The following BANK1 variants were observed in gnomAD, a reference collection of about 807,000 sequenced individuals.
BANK1 encodes the protein B-cell scaffold protein with ankyrin repeats.
In BANK1, 95 loss-of-function variants were observed where a neutral mutation model predicts 94.5. That is an observed-to-expected ratio of 1.00 (90% confidence interval 0.85 to 1.19). The LOEUF is 1.19. BANK1 is among the 50% of genes most tolerant of loss of function. BANK1 has a pLI of 0.00. For synonymous variants in BANK1, 334 were observed against 308.4 expected (o/e 1.08, Z -0.87); for missense variants, 987 against 932.2 (o/e 1.06, Z -0.77).
At chr4:102,034,191 C>T (rs559446677) in intron 10 of BANK1, among the ~76,000 whole-genome samples, 1 of 152,060 alleles carries the variant, frequency 6.6e-6, no homozygotes, top group Non-Finnish European at 1.5e-5. Flanking sequence ...GTGTTAATAG[C>T]CAGAATGGAA....
At chr4:101,856,523 A>G (rs1727686656) in intron 3 of BANK1, among the ~76,000 whole-genome samples, 1 of 152,234 alleles carries the variant, frequency 6.6e-6, no homozygotes, top group South Asian at 2.1e-4. Context: ...CAGAAAAAAG[A>G]AAACCCTCTG....
chr4:102,054,490 G>A (rs1728162134), intron 11 of BANK1, among the ~76,000 whole-genome samples: 1 of 151,962 alleles, frequency 6.6e-6, no homozygotes, highest in Non-Finnish European at 1.5e-5. Flanking sequence ...CATCTACCTG[G>A]CTCCAAATAC....
intron 7 of BANK1, among the ~76,000 whole-genome samples, chr4:101,947,891 C>G (rs1723991470): frequency 6.6e-6 from 1 of 151,862 alleles, no homozygotes; most frequent in African/African-American, 2.4e-5. Flanking sequence ...AAGGGATTTT[C>G]TTTGAAAATC....
intron 6 of BANK1, among the ~76,000 whole-genome samples, chr4:101,901,518 G>A (rs1489668089): frequency 6.6e-6 from 1 of 152,136 alleles, no homozygotes; most frequent in African/African-American, 2.4e-5. Context: ...ATAAGACTGA[G>A]TTAAGATGCA....
intron 6 of BANK1, among the ~76,000 whole-genome samples, chr4:101,896,129 G>A (rs543603707): frequency 6.6e-6 from 1 of 152,022 alleles, no homozygotes; most frequent in South Asian, 2.1e-4. Flanking sequence ...AAAAGTATAT[G>A]TAGGAGATAT....
intron 7 of BANK1, among the ~76,000 whole-genome samples, chr4:102,016,344 A>G (rs979140344): frequency 6.6e-6 from 1 of 152,284 alleles, no homozygotes; most frequent in South Asian, 2.1e-4. Context: ...ATTTCCTGGT[A>G]TAGTGTTTTG....
At chr4:101,983,388 T>C (rs1376289944) in intron 7 of BANK1, among the ~76,000 whole-genome samples, 1 of 152,060 alleles carries the variant, frequency 6.6e-6, no homozygotes, top group Admixed American at 6.6e-5. Flanking sequence ...CTTTACCACG[T>C]AGTAGCTGTT....
intron 1 of BANK1, 125 bp from the exon 2 acceptor site, chr4:101,829,683 A>C (rs1021645523): frequency 3.0e-4 from 150 of 493,950 alleles, no homozygotes; most frequent in African/African-American, 2.7e-3. Flanking sequence ...GGACTTTCAT[A>C]GAGTTTTTCT....
chr4:101,935,478 T>A (rs1205823346), intron 7 of BANK1, among the ~76,000 whole-genome samples: 1 of 151,506 alleles, frequency 6.6e-6, no homozygotes, highest in East Asian at 1.9e-4. Context: ...ATAATCTACT[T>A]TTTGAGCAGG....
Position 101,918,081 on chromosome 4 carries a change from A to G in BANK1, c.1098A>G (p.Ser366=), listed in dbSNP as rs562486126. The part of the protein sequence containing the change: ...KNLAIHLLQC[S]GATWASKMKN... ...TGGCTATTCATTTGCTTCAATGTTCAGGAGCAACCTGGGCATCTAAGATGA... is the reference window on the plus strand; with the variant it reads ...TGGCTATTCATTTGCTTCAATGTTCGGGAGCAACCTGGGCATCTAAGATGA... The change falls in exon 7 of 17, where the codon TCA becomes TCG. Residue 366 remains serine, a synonymous_variant. Coordinates refer to ENST00000322953, the MANE Select transcript of BANK1 (RefSeq NM_017935.5). The G allele has an allele frequency of 6.2e-7, 1 of 1,612,194 alleles. No individual in the cohort carries two copies. Among genetic ancestry groups the G allele is most frequent in the Non-Finnish European group, 8.5e-7 (1 of 1,178,772 alleles).
intron 11 of BANK1, 38 bp downstream of exon 11, chr4:102,043,945 G>A: frequency 6.3e-6 from 8 of 1,262,272 alleles, no homozygotes; most frequent in Non-Finnish European, 9.1e-6. Context: ...GTAATCTCTA[G>A]GTAAAATATC....
intron 11 of BANK1, among the ~76,000 whole-genome samples, chr4:102,046,260 A>C (rs1410360907): frequency 6.6e-6 from 1 of 152,102 alleles, no homozygotes; most frequent in East Asian, 1.9e-4. Flanking sequence ...CTGAAACTGG[A>C]TCCCTTCCTT....
At chr4:101,986,873 ATGTGTGTGTGTGTGTGTGTGTGTG>A (rs1164357630) in intron 7 of BANK1, among the ~76,000 whole-genome samples, 7 of 46,892 alleles carry the variant, frequency 1.5e-4, no homozygotes, top group Non-Finnish European at 2.8e-4. Flanking sequence ...ATATGTGTGT[ATGTGTGTGTGTGTGTGTGTGTGTG>A]TGTATATATA....
At chr4:101,938,278 AATGAT>A (rs1723639606) in intron 7 of BANK1, among the ~76,000 whole-genome samples, 3 of 151,580 alleles carry the variant, frequency 2.0e-5, no homozygotes, top group Non-Finnish European at 1.5e-5. Context: ...ATAGGAATAA[AATGAT>A]GGTTACCAGA....
At chr4:102,003,449 G>A (rs1726143174) in intron 7 of BANK1, among the ~76,000 whole-genome samples, 1 of 152,154 alleles carries the variant, frequency 6.6e-6, no homozygotes, top group Non-Finnish European at 1.5e-5. Context: ...CTGGGCTGAG[G>A]TCAGCTGGGA....
intron 7 of BANK1, among the ~76,000 whole-genome samples, chr4:101,924,869 G>A (rs1157210260): frequency 2.0e-5 from 3 of 151,592 alleles, no homozygotes; most frequent in African/African-American, 7.3e-5. Context: ...ATAAAAACAG[G>A]AGACACACAT....
intron 11 of BANK1, among the ~76,000 whole-genome samples, chr4:102,047,042 A>G (rs923955604): frequency 2.6e-5 from 4 of 152,142 alleles, no homozygotes; most frequent in Non-Finnish European, 5.9e-5. Flanking sequence ...CACAGCAACT[A>G]CTAACCACTC....
chr4:102,028,481 C>T (rs1727176782), intron 9 of BANK1, among the ~76,000 whole-genome samples: 1 of 152,136 alleles, frequency 6.6e-6, no homozygotes, highest in Admixed American at 6.5e-5. Context: ...AAGGCAATTG[C>T]TGAATCTTTC....
intron 10 of BANK1, among the ~76,000 whole-genome samples, chr4:102,038,962 C>G (rs1225804345): frequency 6.6e-6 from 1 of 152,132 alleles, no homozygotes; most frequent in African/African-American, 2.4e-5. Context: ...AATACCACCA[C>G]TGAATTAGAA....
Sources: gnomAD v4.1 joint callset for allele counts (sites outside exome capture counted in the v4.1 genomes callset) on GRCh38, gnomAD v4.1.1 for gene constraint, MANE v1.5 for transcripts, NCBI Gene and HGNC (gene_info 2026-07-23, HGNC 2026-07-21) for gene names.